The following GRK5 variants were observed in gnomAD, a reference collection of about 807,000 sequenced individuals.
GRK5 encodes G protein-coupled receptor kinase 5, also known as g protein-coupled receptor kinase GRK5.
A neutral mutation model predicts 78.4 loss-of-function variants in GRK5; 40 were observed. The observed-to-expected ratio is 0.51, with a 90% CI of 0.40 to 0.66. The LOEUF (loss-of-function observed/expected upper bound fraction) is 0.66. Among genes scored for constraint, GRK5 ranks in the 30% least tolerant of loss-of-function variants. GRK5 has a pLI of 0.00. For missense variants in GRK5, 598 were observed against 759.9 expected, an observed-to-expected ratio of 0.79 and a Z score of 2.50; for synonymous variants, 289 against 296.8, an observed-to-expected ratio of 0.97 and a Z score of 0.27.
intron 1 of GRK5, among the ~76,000 whole-genome samples, chr10:119,276,158 G>A (rs1015362149): frequency 9.2e-5 from 14 of 152,022 alleles, no homozygotes; most frequent in African/African-American, 3.4e-4. Context: ...GGGTACATGT[G>A]CACAATGTGC....
At position 119,219,846 on chromosome 10, in the gene GRK5, C is replaced by T. The variant is rs139153262; in HGVS notation, c.52+11877C>T. Among the ~76,000 whole-genome samples, 736 of 152,228 alleles carry T rather than the reference C, an allele frequency of 4.8e-3. 6 individuals carry two copies. The highest frequency in any genetic ancestry group is 0.017 in the African/African-American group (695 of 41,532). ...GTGAGTAGGAGGAGATGTTTCATGCCGATAACACTCATCCCTTTTTTGGCC... is the reference window on the plus strand; with the variant it reads ...GTGAGTAGGAGGAGATGTTTCATGCTGATAACACTCATCCCTTTTTTGGCC... On this transcript the variant is annotated intron_variant, in intron 1 of 15. Coordinates refer to ENST00000392870, the MANE Select transcript of GRK5 (RefSeq NM_005308.3).
chr10:119,396,760 C>A lies in GRK5; in HGVS notation c.327C>A (p.Tyr109Ter). The stretch of plus-strand genomic sequence containing the variant: ...AAGGGAAGGAAATTATGACCAAGTA[C>A]CTCACCCCAAAGGTAAGGAGTCTTC... ...GEKGKEIMTK[Y>*]LTPKSPVFIA... Residue 109 changes from tyrosine (Y) to a stop codon, truncating the protein, a stop_gained, in exon 4 of 16, where the codon TAC (tyrosine) becomes TAA (stop). Transcript: ENST00000392870. LOFTEE classifies it high-confidence loss of function. 1 of 1,613,274 alleles carries A rather than the reference C, an allele frequency of 6.2e-7. No individual in the cohort carries two copies.
In GRK5 at chr10:119,426,912, A is replaced by G. The variant is rs530617818; in HGVS notation, c.533+1827A>G. Among the ~76,000 whole-genome samples the G allele has an allele frequency of 7.2e-5, 11 of 152,384 alleles. No homozygotes were observed. The South Asian group carries it at 2.1e-3, about 29-fold the overall frequency. Reference sequence around the variant, plus strand: ...CATCAACAGCATCACCACCATCATCAGCATCACTGCTGTTATCAATATCCC... The same window carrying G: ...CATCAACAGCATCACCACCATCATCGGCATCACTGCTGTTATCAATATCCC... On this transcript the variant is annotated intron_variant, in intron 6 of 15. Transcript: ENST00000392870.
intron 1 of GRK5, among the ~76,000 whole-genome samples, chr10:119,215,890 G>A (rs886999804): frequency 6.6e-6 from 1 of 152,152 alleles, no homozygotes; most frequent in African/African-American, 2.4e-5. Context: ...ACCTCCACAG[G>A]CAGGTGATCT....
At chr10:119,346,340 C>G (rs1851093302) in intron 2 of GRK5, among the ~76,000 whole-genome samples, 1 of 152,206 alleles carries the variant, frequency 6.6e-6, no homozygotes, top group African/African-American at 2.4e-5. Context: ...CACCCCCTAG[C>G]CTGGCAGCCC....
chr10:119,329,846 G>A (rs73449697), intron 2 of GRK5, among the ~76,000 whole-genome samples: 3 of 149,896 alleles, frequency 2.0e-5, no homozygotes, highest in Non-Finnish European at 4.4e-5. Flanking sequence ...CGCCAGCAAC[G>A]CAGACACCTA....
chr10:119,241,067 G>A (rs552054957), intron 1 of GRK5, among the ~76,000 whole-genome samples: 56 of 152,322 alleles, frequency 3.7e-4, no homozygotes, highest in Non-Finnish European at 6.9e-4. Context: ...CTATTGCAAA[G>A]GGTGGAGATC....
intron 3 of GRK5, among the ~76,000 whole-genome samples, chr10:119,383,296 G>C (rs975551278): frequency 2.0e-5 from 3 of 152,200 alleles, no homozygotes; most frequent in African/African-American, 7.2e-5. Context: ...TTTTTGCAGG[G>C]TGGAGTGGGA....
At chr10:119,345,430 C>T (rs78745848) in intron 2 of GRK5, among the ~76,000 whole-genome samples, 2,439 of 152,280 alleles carry the variant, frequency 0.016, 48 homozygotes, top group East Asian at 0.063. Context: ...CTAGCCTCAC[C>T]GGGTAGAAAC....
chr10:119,290,502 G>T (rs1350741370), intron 1 of GRK5, among the ~76,000 whole-genome samples: 1 of 151,934 alleles, frequency 6.6e-6, no homozygotes, highest in South Asian at 2.1e-4. Context: ...TGCTGACATC[G>T]TGACGATTTT....
chr10:119,423,302 G>C, intron 5 of GRK5, 36 bp downstream of exon 5: 1 of 1,470,930 alleles, frequency 6.8e-7, no homozygotes, highest in Non-Finnish European at 9.5e-7. Context: ...TCCTCCCCGG[G>C]CTGCCCAGAG....
chr10:119,341,059 C>T (rs1850973066), intron 2 of GRK5, among the ~76,000 whole-genome samples: 1 of 152,196 alleles, frequency 6.6e-6, no homozygotes, highest in African/African-American at 2.4e-5. Flanking sequence ...GCACCTGGCC[C>T]AGTGCAGTGT....
intron 1 of GRK5, among the ~76,000 whole-genome samples, chr10:119,306,595 G>A (rs986245350): frequency 5.9e-5 from 9 of 152,160 alleles, no homozygotes; most frequent in African/African-American, 1.4e-4. Context: ...GCGGGGCAGA[G>A]CACCTTCTCT....
intron 1 of GRK5, among the ~76,000 whole-genome samples, chr10:119,212,097 G>A (rs550061731): frequency 6.6e-5 from 10 of 151,870 alleles, no homozygotes; most frequent in African/African-American, 1.2e-4. Flanking sequence ...AAGGCAGCTC[G>A]GTGTGTGTAA....
chr10:119,452,404 G>A lies in GRK5; in HGVS notation c.1405-267G>A. ...GGTCCCCGTCATGGATCTGAGAGAGGGCTGCACTGTCATCTGGAGGGGTCG... is the reference window on the plus strand; with the variant it reads ...GGTCCCCGTCATGGATCTGAGAGAGAGCTGCACTGTCATCTGGAGGGGTCG... On this transcript the variant is annotated intron_variant, in intron 13 of 15. Transcript: ENST00000392870. The surrounding 1 kb of genome is among the most constrained non-coding windows in gnomAD (Gnocchi z 4.4). 2.2e-6 allele frequency: 1 copy of A among 455,672 alleles called. No individual in the cohort carries two copies. 28.2% of individuals were successfully genotyped at this position (455,672 alleles called of 1,614,324 possible).
rs1206680871 is a variant in GRK5, at chr10:119,312,480, G to A, written c.53-14036G>A. The stretch of plus-strand genomic sequence containing the variant: ...CCCAATCCGGCCACTGCCTGTTTTT[G>A]TAAATGAAGTTTTATGGGAATACAG... On this transcript the variant is annotated intron_variant, in intron 1 of 15. Coordinates refer to ENST00000392870, the MANE Select transcript of GRK5 (RefSeq NM_005308.3). Among the ~76,000 whole-genome samples, 4 of 152,178 alleles carry A rather than the reference G, an allele frequency of 2.6e-5. No individual in the cohort carries two copies. The East Asian group carries it at 7.7e-4, about 29-fold the overall frequency.
intron 1 of GRK5, among the ~76,000 whole-genome samples, chr10:119,234,099 A>G (rs1164499585): frequency 6.6e-6 from 1 of 152,194 alleles, no homozygotes; most frequent in Non-Finnish European, 1.5e-5. Flanking sequence ...CCTTGGTTTC[A>G]TCATCACCAA....
intron 1 of GRK5, among the ~76,000 whole-genome samples, chr10:119,290,673 T>C (rs190415027): frequency 4.6e-5 from 7 of 152,022 alleles, no homozygotes; most frequent in Admixed American, 1.3e-4. Context: ...TCCTGTCCTC[T>C]TCTGCTTGGT....
intron 1 of GRK5, among the ~76,000 whole-genome samples, chr10:119,276,695 A>G (rs1176634560): frequency 6.6e-6 from 1 of 152,190 alleles, no homozygotes; most frequent in African/African-American, 2.4e-5. Flanking sequence ...TTAAAAGTGA[A>G]ATCAGAGAGT....
Sources: allele counts gnomAD v4.1 joint callset (sites outside exome capture counted in the v4.1 genomes callset), GRCh38; gene constraint gnomAD v4.1.1; non-coding constraint Gnocchi (gnomAD v3.1); transcripts MANE v1.5; gene names NCBI Gene and HGNC (gene_info 2026-07-23, HGNC 2026-07-21).